PDE1C: variants seen among roughly 807,000 people sequenced by gnomAD.
PDE1C encodes the protein dual specificity calcium/calmodulin-dependent 3',5'-cyclic nucleotide phosphodiesterase 1C.
In PDE1C, 62 loss-of-function variants were observed where a neutral mutation model predicts 93.1. The observed-to-expected ratio is 0.67, with a 90% CI of 0.54 to 0.82. PDE1C has a LOEUF of 0.82. PDE1C is among the 40% of genes least tolerant of loss of function. The pLI is 0.00. For missense variants in PDE1C, 742 were observed against 884.6 expected, an observed-to-expected ratio of 0.84 and a Z score of 2.04; for synonymous variants, 325 against 310.1, an observed-to-expected ratio of 1.05 and a Z score of -0.50.
At position 31,987,785 on chromosome 7, in the gene PDE1C, G is replaced by GAGCT. The variant is rs140008215; in HGVS notation, c.128+63765_128+63768dup. ...ATCCCTCTGAATGATATCCAATACA[G>GAGCT]AGCTGTCTTTTGCTGAATTCTCTGG... On this transcript the variant is annotated intron_variant, in intron 2 of 17. Coordinates refer to ENST00000396191, the MANE Select transcript of PDE1C (RefSeq NM_001191057.4). Among the ~76,000 whole-genome samples, 1,390 of 152,320 alleles carry GAGCT rather than the reference G, an allele frequency of 9.1e-3. 23 individuals are homozygous for GAGCT. The highest frequency in any genetic ancestry group is 0.032 in the African/African-American group (1,331 of 41,566).
At chr7:31,736,590 C>T in the PDE1C span, among the ~76,000 whole-genome samples, 16 of 152,314 alleles carry the variant, frequency 1.1e-4, no homozygotes, top group African/African-American at 3.8e-4. Flanking sequence ...GAAAAATTGT[C>T]ACATTGCAGT....
intron 2 of PDE1C, among the ~76,000 whole-genome samples, chr7:31,915,034 A>G (rs550326005): frequency 6.6e-6 from 1 of 152,354 alleles, no homozygotes; most frequent in South Asian, 2.1e-4. Flanking sequence ...GATGTAAAGC[A>G]GGTATGCAAT....
At chr7:31,775,907 G>A (rs1367110741) in intron 16 of PDE1C, among the ~76,000 whole-genome samples, 175 bp from the exon 17 acceptor site, 4 of 152,182 alleles carry the variant, frequency 2.6e-5, no homozygotes, top group African/African-American at 4.8e-5. Flanking sequence ...TGGGAGCATC[G>A]CCTTTGCCTT....
intron 3 of PDE1C, among the ~76,000 whole-genome samples, chr7:32,156,953 C>T (rs946946174): frequency 6.6e-6 from 1 of 152,188 alleles, no homozygotes; most frequent in Admixed American, 6.5e-5. Context: ...TCAAAGTCAA[C>T]GTCACCCATA....
intron 2 of PDE1C, among the ~76,000 whole-genome samples, chr7:31,968,360 C>T (rs558922264): frequency 0.072 from 10,844 of 151,488 alleles, 583 homozygotes; most frequent in East Asian, 0.31. Flanking sequence ...CCATTCACAA[C>T]TGCTTCAAAG....
At chr7:32,239,223 C>G (rs1171705897) in intron 1 of PDE1C, among the ~76,000 whole-genome samples, 1 of 151,926 alleles carries the variant, frequency 6.6e-6, no homozygotes, top group Non-Finnish European at 1.5e-5. Context: ...AGAGTGAGAC[C>G]CTGTCTCTAG....
intron 1 of PDE1C, among the ~76,000 whole-genome samples, chr7:32,374,017 G>A (rs1193185670): frequency 1.5e-5 from 2 of 135,214 alleles, no homozygotes; most frequent in Admixed American, 8.0e-5. Context: ...AAGAAAGAAA[G>A]AAAGAAAAAT....
chr7:32,210,711 G>A, intron 1 of PDE1C, among the ~76,000 whole-genome samples: 1 of 151,984 alleles, frequency 6.6e-6, no homozygotes, highest in East Asian at 1.9e-4. Flanking sequence ...TTACTAATTT[G>A]GGCAATTTGT....
At chr7:32,007,843 G>C (rs1786489761) in intron 2 of PDE1C, among the ~76,000 whole-genome samples, 1 of 152,036 alleles carries the variant, frequency 6.6e-6, no homozygotes, top group South Asian at 2.1e-4. Context: ...CACAGGGCAG[G>C]GATTCAAAAA....
chr7:32,324,219 A>T (rs1783357143), intron 1 of PDE1C, among the ~76,000 whole-genome samples: 1 of 152,206 alleles, frequency 6.6e-6, no homozygotes, highest in African/African-American at 2.4e-5. Flanking sequence ...TATATGGCCC[A>T]TAAAACCTAA....
At chr7:31,797,768 T>C (rs371177948) in intron 16 of PDE1C, among the ~76,000 whole-genome samples, 47 of 151,742 alleles carry the variant, frequency 3.1e-4, no homozygotes, top group South Asian at 1.0e-3. Context: ...AACATCTACC[T>C]TAAAAACAAC....
the PDE1C span, chr7:31,642,311 G>A: frequency 8.0e-7 from 1 of 1,252,540 alleles, no homozygotes; most frequent in Non-Finnish European, 1.1e-6. Context: ...TCCCACTTCA[G>A]CCCTATCAAC....
chr7:32,402,368 C>A (rs1784963519), intron 1 of PDE1C, among the ~76,000 whole-genome samples: 1 of 152,002 alleles, frequency 6.6e-6, no homozygotes. Context: ...TAGCCCAAGC[C>A]CGGAAGCCTA....
At position 32,050,426 on chromosome 7, in the gene PDE1C, G is replaced by T. The variant is rs372567282; in HGVS notation, c.128+1128C>A. On this transcript the variant is annotated intron_variant, in intron 2 of 17. Coordinates refer to ENST00000396191, the MANE Select transcript of PDE1C (RefSeq NM_001191057.4). ...GAAATAAAAGAGGTCATGGGAGACC[G>T]TCTGTGCCATTATTGTCCAATGAAA... Among the ~76,000 whole-genome samples, 13 of 152,246 alleles carry T rather than the reference G, an allele frequency of 8.5e-5. 3 individuals are homozygous for T. The highest frequency in any genetic ancestry group is 6.5e-5 in the Admixed American group (1 of 15,292).
chr7:31,722,609 A>G, the PDE1C span, among the ~76,000 whole-genome samples: 1 of 152,192 alleles, frequency 6.6e-6, no homozygotes, highest in East Asian at 1.9e-4. Flanking sequence ...TGTGCCTCCA[A>G]GGAATGATGT....
chr7:32,386,866 C>T lies in PDE1C; in HGVS notation c.310+40956G>A, dbSNP rs949835137. Among the ~76,000 whole-genome samples the T allele has an allele frequency of 5.3e-5, 8 of 152,006 alleles. No individual in the cohort carries two copies. The South Asian group carries it at 1.0e-3, about 20-fold the overall frequency. On this transcript the variant is annotated intron_variant, in intron 1 of 1. Transcript: ENST00000672256. ...CCTCTTACTGCAGTGTCTAAGAGGA[C>T]TCATTTTTTTATTTTTATTTTTTTT...
intron 3 of PDE1C, among the ~76,000 whole-genome samples, chr7:32,102,502 C>A (rs1487417209): frequency 6.6e-6 from 1 of 152,214 alleles, no homozygotes. Context: ...AGGGTTGTTA[C>A]AAGAATGAGG....
chr7:31,619,253 A>G, the PDE1C span, among the ~76,000 whole-genome samples: 7 of 152,196 alleles, frequency 4.6e-5, no homozygotes, highest in Non-Finnish European at 8.8e-5. Context: ...AGGCATAATG[A>G]CTAGATTTCT....
intron 9 of PDE1C, 194 bp downstream of exon 9, chr7:31,847,770 ATATC>A: frequency 1.8e-6 from 1 of 545,052 alleles, no homozygotes; most frequent in Non-Finnish European, 3.2e-6. Flanking sequence ...AAATATTTGA[ATATC>A]TGTATAAAGA....
Sources: allele counts gnomAD v4.1 joint callset (sites outside exome capture counted in the v4.1 genomes callset), GRCh38; gene constraint gnomAD v4.1.1; transcripts MANE v1.5; gene names NCBI Gene and HGNC (gene_info 2026-07-23, HGNC 2026-07-21).